Variants in SUCLG2 observed in about 807,000 individuals in gnomAD.
SUCLG2 encodes the protein succinate-CoA ligase GDP-forming subunit beta.
Under a neutral mutation model 47.9 loss-of-function variants are expected in SUCLG2, and 42 were observed. The observed-to-expected ratio is 0.88, with a 90% CI of 0.69 to 1.14. The LOEUF is 1.14. Among genes scored for constraint, SUCLG2 ranks in the 50% most tolerant of loss-of-function variants. The probability of loss-of-function intolerance (pLI) is 0.00; values close to 1 mark genes in which losing one functional copy is unlikely to be tolerated. For missense variants in SUCLG2, 571 were observed against 525.9 expected (o/e 1.09, Z -0.84); for synonymous variants, 195 against 197.3 (o/e 0.99, Z 0.10).
intron 1 of SUCLG2, among the ~76,000 whole-genome samples, chr3:67,652,035 C>T (rs2107389731): frequency 6.6e-6 from 1 of 152,036 alleles, no homozygotes; most frequent in East Asian, 1.9e-4. Flanking sequence ...CCAGGGCCTA[C>T]AACAGTCCTG....
At chr3:67,438,276 C>T (rs1359847548) in intron 9 of SUCLG2, among the ~76,000 whole-genome samples, 6 of 152,052 alleles carry the variant, frequency 3.9e-5, no homozygotes, top group Non-Finnish European at 7.4e-5. Flanking sequence ...CAGGAGAAAG[C>T]AAGAAAGACC....
At chr3:67,633,416 G>T (rs1330461001) in intron 1 of SUCLG2, among the ~76,000 whole-genome samples, 2 of 152,168 alleles carry the variant, frequency 1.3e-5, no homozygotes, top group East Asian at 3.9e-4. Flanking sequence ...GCAAACCAAG[G>T]TCTGCATGTT....
chr3:67,416,493 C>T (rs975008012), intron 9 of SUCLG2, among the ~76,000 whole-genome samples: 12 of 151,912 alleles, frequency 7.9e-5, no homozygotes, highest in African/African-American at 2.9e-4. Flanking sequence ...AAAATGCTAG[C>T]TTTTTTTTCT....
At chr3:67,534,150 ATAT>A (rs1394545386) in intron 2 of SUCLG2, among the ~76,000 whole-genome samples, 3 of 152,132 alleles carry the variant, frequency 2.0e-5, no homozygotes, top group African/African-American at 7.2e-5. Context: ...ATCCAGGGAG[ATAT>A]TATTTCAAAT....
Position 67,432,266 on chromosome 3 carries a change from C to A in SUCLG2, c.1063-31415G>T, listed in dbSNP as rs951821739. ...TATTAAACTTGTTTCAGTAAAGAAGCAGCAAGTAACTGGCTGCATATTATA... is the reference window on the plus strand; with the variant it reads ...TATTAAACTTGTTTCAGTAAAGAAGAAGCAAGTAACTGGCTGCATATTATA... On this transcript the variant is annotated intron_variant, in intron 9 of 10. Coordinates refer to ENST00000307227, the MANE Select transcript of SUCLG2 (RefSeq NM_003848.4). Among the ~76,000 whole-genome samples the A allele has an allele frequency of 3.3e-5, 5 of 152,260 alleles. No homozygotes were observed. In the South Asian group the frequency reaches 1.0e-3, roughly 32 times the overall value.
At chr3:67,480,197 C>T (rs73104367) in intron 9 of SUCLG2, among the ~76,000 whole-genome samples, 3,333 of 151,970 alleles carry the variant, frequency 0.022, 49 homozygotes, top group African/African-American at 0.037. Flanking sequence ...TGTCAGTGAC[C>T]GAAAATCAAC....
Position 67,375,846 on chromosome 3 carries a change from T to C in SUCLG2, c.1197A>G (p.Gln399=), listed in dbSNP as rs753901713. The change falls in exon 11 of 11, where the codon CAA becomes CAG. Residue 399 remains glutamine, a synonymous_variant. Coordinates refer to ENST00000307227, the MANE Select transcript of SUCLG2 (RefSeq NM_003848.4). ...TGTTGTTGAGTATCTTCTGGGCCTC[T>C]TGGACGTTGGTTCCTAGAAGGGGGA... ...LVVRLEGTNV[Q]EAQKILNNSG... 7 of 1,613,528 alleles carry C rather than the reference T, an allele frequency of 4.3e-6. No individual in the cohort carries two copies. Among genetic ancestry groups the C allele is most frequent in the East Asian group, 2.2e-5 (1 of 44,890 alleles).
At chr3:67,522,777 C>T (rs929693172) in intron 4 of SUCLG2, among the ~76,000 whole-genome samples, 1 of 150,732 alleles carries the variant, frequency 6.6e-6, no homozygotes, top group Non-Finnish European at 1.5e-5. Flanking sequence ...CATTCTCCTG[C>T]CTCAGCCTCC....
At chr3:67,386,489 A>G (rs1272015940) in intron 10 of SUCLG2, among the ~76,000 whole-genome samples, 1 of 152,096 alleles carries the variant, frequency 6.6e-6, no homozygotes, top group Non-Finnish European at 1.5e-5. Flanking sequence ...CATATCCAAC[A>G]CTGGGTAATT....
At chr3:67,463,677 C>T (rs1014754085) in intron 9 of SUCLG2, among the ~76,000 whole-genome samples, 1 of 152,198 alleles carries the variant, frequency 6.6e-6, no homozygotes, top group African/African-American at 2.4e-5. Flanking sequence ...TGGTACCCCA[C>T]TTATATTTAA....
At chr3:67,421,127 T>A (rs781573775) in intron 9 of SUCLG2, among the ~76,000 whole-genome samples, 28 of 152,282 alleles carry the variant, frequency 1.8e-4, no homozygotes, top group African/African-American at 6.5e-4. Context: ...AGCTGCTTAA[T>A]GTCTGAGCAG....
chr3:67,444,157 T>C (rs1419008116), intron 9 of SUCLG2, among the ~76,000 whole-genome samples: 1 of 26,280 alleles, frequency 3.8e-5, no homozygotes, highest in African/African-American at 1.4e-4. Flanking sequence ...GGGAGGGAGG[T>C]GGGGGAGTCA....
At chr3:67,371,214 G>C (rs772973611), downstream of SUCLG2, among the ~76,000 whole-genome samples, 5 of 152,174 alleles carry the variant, frequency 3.3e-5, no homozygotes, top group Non-Finnish European at 7.4e-5. Context: ...GGAGGAACAA[G>C]AACAACAACA....
intron 10 of SUCLG2, among the ~76,000 whole-genome samples, chr3:67,367,051 G>A (rs1701885393): frequency 6.6e-6 from 1 of 152,132 alleles, no homozygotes; most frequent in Admixed American, 6.5e-5. Flanking sequence ...GCATATTATA[G>A]AAAAAATTAA....
At chr3:67,578,241 CAT>C (rs760342731) in intron 2 of SUCLG2, among the ~76,000 whole-genome samples, 58 of 144,376 alleles carry the variant, frequency 4.0e-4, no homozygotes, top group Non-Finnish European at 7.9e-4. Context: ...AAAAATTTTA[CAT>C]ATATCATATA....
intron 7 of SUCLG2, among the ~76,000 whole-genome samples, chr3:67,498,688 C>T (rs959506121): frequency 4.6e-5 from 7 of 152,058 alleles, no homozygotes; most frequent in Admixed American, 3.9e-4. Flanking sequence ...AGAGACTAGA[C>T]AATATTATTA....
At position 67,606,593 on chromosome 3, in the gene SUCLG2, C is replaced by G. The variant is rs147836559; in HGVS notation, c.226+2862G>C. Among the ~76,000 whole-genome samples, 230 of 152,232 alleles carry G rather than the reference C, an allele frequency of 1.5e-3. 4 individuals are homozygous for G. The East Asian group carries it at 0.035, about 23-fold the overall frequency. The stretch of plus-strand genomic sequence containing the variant: ...TGAAAAGGCTGGAATACAGTACTAA[C>G]CTTTACTGAGTCTATTATCAAAGTT... On this transcript the variant is annotated intron_variant, in intron 2 of 10. Coordinates refer to ENST00000307227, the MANE Select transcript of SUCLG2 (RefSeq NM_003848.4).
chr3:67,505,308 T>G (rs1328379702), intron 7 of SUCLG2, among the ~76,000 whole-genome samples: 1 of 152,202 alleles, frequency 6.6e-6, no homozygotes, highest in Non-Finnish European at 1.5e-5. Flanking sequence ...AGTCCACACC[T>G]TAGACTTCCC....
intron 1 of SUCLG2, among the ~76,000 whole-genome samples, chr3:67,647,633 C>G (rs1371308442): frequency 6.6e-6 from 1 of 152,194 alleles, no homozygotes; most frequent in African/African-American, 2.4e-5. Context: ...GTCCAGCAGT[C>G]GTCACTACTA....
Sources: gnomAD v4.1 joint callset for allele counts (sites outside exome capture counted in the v4.1 genomes callset) on GRCh38, gnomAD v4.1.1 for gene constraint, MANE v1.5 for transcripts, NCBI Gene and HGNC (gene_info 2026-07-23, HGNC 2026-07-21) for gene names.